GPM6B: variants seen among roughly 807,000 people sequenced by gnomAD.
GPM6B encodes neuronal membrane glycoprotein M6-b.
Under a neutral mutation model 27.2 loss-of-function variants are expected in GPM6B, and 4 were observed. The ratio of observed to expected loss-of-function variants is 0.15; its 90% CI spans 0.07 to 0.34. The LOEUF is 0.34. Ranked by LOEUF, GPM6B falls within the 10% of genes least tolerant of loss-of-function variation. The pLI is 1.00. For missense variants in GPM6B, 183 were observed against 261.9 expected (o/e 0.70, Z 2.08); for synonymous variants, 124 against 103.1 (o/e 1.20, Z -1.23).
At chrX:13,836,363 G>A in intron 1 of GPM6B, among the ~76,000 whole-genome samples, 1 of 111,811 alleles carries the variant, frequency 8.9e-6, no homozygotes, top group African/African-American at 3.2e-5. Context: ...ATCTACAGAG[G>A]CTTAATCATT....
intron 2 of GPM6B, among the ~76,000 whole-genome samples, chrX:13,794,182 C>T (rs6633343): frequency 0.35 from 37,220 of 106,974 alleles, 5,203 homozygotes; most frequent in East Asian, 0.63. Flanking sequence ...CTCTCTCTCT[C>T]TCTCTTTTTT....
At chrX:13,849,159 TA>T (rs1308066459) in intron 1 of GPM6B, among the ~76,000 whole-genome samples, 2 of 112,484 alleles carry the variant, frequency 1.8e-5, no homozygotes, top group Non-Finnish European at 3.8e-5. Flanking sequence ...TACAATTGTT[TA>T]AAAAAATAAA....
At chrX:13,871,099 CAAAACAAAACAAAACA>C (rs1376415389) in intron 1 of GPM6B, among the ~76,000 whole-genome samples, 5 of 36,577 alleles carry the variant, frequency 1.4e-4, no homozygotes, top group Non-Finnish European at 2.3e-4. Flanking sequence ...CAAAACAAAA[CAAAACAAAACAAAACA>C]AAAAAAAAAG....
intron 1 of GPM6B, among the ~76,000 whole-genome samples, chrX:13,917,610 G>A (rs993291020): frequency 2.7e-5 from 3 of 112,213 alleles, no homozygotes; most frequent in Admixed American, 9.5e-5. Flanking sequence ...ATGAAGCATC[G>A]TATCTGAGAC....
At chrX:13,836,119 G>C (rs977846767) in intron 1 of GPM6B, among the ~76,000 whole-genome samples, 1 of 112,066 alleles carries the variant, frequency 8.9e-6, no homozygotes, top group African/African-American at 3.2e-5. Context: ...GCCAGAGTTT[G>C]AATGAGACAA....
intron 2 of GPM6B, among the ~76,000 whole-genome samples, chrX:13,795,530 G>C (rs1249712850): frequency 1.8e-5 from 2 of 111,745 alleles, no homozygotes; most frequent in Non-Finnish European, 3.8e-5. Context: ...AGAGGCAGAT[G>C]TAAGAGTCCA....
chrX:13,821,260 T>TAC (rs1385675239), upstream of GPM6B, among the ~76,000 whole-genome samples: 1 of 112,497 alleles, frequency 8.9e-6, no homozygotes, highest in Non-Finnish European at 1.9e-5. Flanking sequence ...GTTAAACTCA[T>TAC]ACATAGGGCT....
chrX:13,931,076 T>C (rs1483788970), intron 1 of GPM6B, among the ~76,000 whole-genome samples: 2 of 110,367 alleles, frequency 1.8e-5, no homozygotes, highest in Non-Finnish European at 3.8e-5. Flanking sequence ...CCCAGTTACT[T>C]TGGAGGCTGA....
At chrX:13,783,768 T>G in intron 3 of GPM6B, 1 of 460,486 alleles carries the variant, frequency 2.2e-6, no homozygotes, top group Admixed American at 2.8e-5. Context: ...TTGTAATCTT[T>G]TAATCCTTAC....
At chrX:13,802,777 G>C (rs2048946743) in intron 2 of GPM6B, among the ~76,000 whole-genome samples, 1 of 111,667 alleles carries the variant, frequency 9.0e-6, no homozygotes, top group South Asian at 3.7e-4. Context: ...TTACCTCTAT[G>C]TAATCAGAAA....
intron 1 of GPM6B, among the ~76,000 whole-genome samples, chrX:13,864,837 C>T (rs1415803942): frequency 8.9e-6 from 1 of 111,848 alleles, no homozygotes; most frequent in Non-Finnish European, 1.9e-5. Context: ...ATGAGGTATA[C>T]ATTCCAAGAC....
At chrX:13,898,056 T>C (rs1360217564) in intron 1 of GPM6B, among the ~76,000 whole-genome samples, 1 of 112,186 alleles carries the variant, frequency 8.9e-6, no homozygotes, top group African/African-American at 3.2e-5. Context: ...TCACATTGAA[T>C]TGAATATCAC....
chrX:13,774,598 A>G, intron 7 of GPM6B: 1 of 1,208,450 alleles, frequency 8.3e-7, no homozygotes, highest in Non-Finnish European at 1.1e-6. Flanking sequence ...CCGCATAGTT[A>G]TATGTAGTAG....
intron 1 of GPM6B, among the ~76,000 whole-genome samples, chrX:13,911,267 G>C (rs1281296408): frequency 8.9e-6 from 1 of 112,095 alleles, no homozygotes; most frequent in Non-Finnish European, 1.9e-5. Context: ...CTGAGGCCTA[G>C]AGTGGTTCAG....
At chrX:13,839,282 C>A (rs2049543201) in intron 1 of GPM6B, among the ~76,000 whole-genome samples, 1 of 111,476 alleles carries the variant, frequency 9.0e-6, no homozygotes, top group Non-Finnish European at 1.9e-5. Flanking sequence ...GACTCTGCCC[C>A]ACCAACTTCA....
At chrX:13,788,848 C>T (rs2048660493) in intron 2 of GPM6B, among the ~76,000 whole-genome samples, 1 of 110,727 alleles carries the variant, frequency 9.0e-6, no homozygotes, top group African/African-American at 3.3e-5. Flanking sequence ...CTCTCAAGGA[C>T]TCTGTATATA....
Position 13,834,544 on chromosome X carries a change from G to C in GPM6B, c.-197-48736C>G, listed in dbSNP as rs951904786. ...AATGCATGCCATGGGCTTTGCTCAA[G>C]ACCAAGGAACAGTCAATAAAAAGTA... On this transcript the variant is annotated intron_variant, in intron 1 of 6. Transcript: ENST00000398361. Among the ~76,000 whole-genome samples the C allele has an allele frequency of 7.1e-5, 8 of 112,493 alleles. No homozygotes were observed. The East Asian group carries it at 1.7e-3, about 23-fold the overall frequency.
At chrX:13,837,033 T>C (rs1172678305) in intron 1 of GPM6B, among the ~76,000 whole-genome samples, 1 of 112,400 alleles carries the variant, frequency 8.9e-6, no homozygotes, top group Non-Finnish European at 1.9e-5. Context: ...TCAGAAATGC[T>C]AGCTAACTTT....
At chrX:13,854,315 G>A (rs2049755509) in intron 1 of GPM6B, among the ~76,000 whole-genome samples, 1 of 111,596 alleles carries the variant, frequency 9.0e-6, no homozygotes, top group Non-Finnish European at 1.9e-5. Flanking sequence ...AACTACAAAG[G>A]GCCAAAAAGG....
Sources: allele counts gnomAD v4.1 joint callset (sites outside exome capture counted in the v4.1 genomes callset), GRCh38; gene constraint gnomAD v4.1.1; transcripts MANE v1.5; gene names NCBI Gene and HGNC (gene_info 2026-07-23, HGNC 2026-07-21).